C12orf42: variants seen among roughly 807,000 people sequenced by gnomAD.
C12orf42 encodes the protein chromosome 12 open reading frame 42.
Under a neutral mutation model 21.6 loss-of-function variants are expected in C12orf42, and 25 were observed. The observed-to-expected ratio is 1.16, with a 90% confidence interval of 0.84 to 1.62. The LOEUF is 1.62. Among genes scored for constraint, C12orf42 ranks in the 40% most tolerant of loss-of-function variants. C12orf42 has a pLI of 0.00. For synonymous variants in C12orf42, 174 were observed against 175.0 expected (o/e 0.99, Z 0.05); for missense variants, 483 against 459.3 (o/e 1.05, Z -0.47).
At chr12:103,399,018 C>T (rs2047762660) in intron 3 of C12orf42, among the ~76,000 whole-genome samples, 1 of 151,916 alleles carries the variant, frequency 6.6e-6, no homozygotes, top group East Asian at 1.9e-4. Flanking sequence ...CATATGCATA[C>T]TATCTCTTCA....
intron 4 of C12orf42, among the ~76,000 whole-genome samples, chr12:103,348,591 C>T (rs577736673): frequency 2.6e-4 from 40 of 152,148 alleles, no homozygotes; most frequent in African/African-American, 8.4e-4. Flanking sequence ...GGTACTTTTC[C>T]ATAGCAAAAT....
chr12:103,256,004 G>C (rs1483358133), intron 10 of C12orf42, among the ~76,000 whole-genome samples: 2 of 126,682 alleles, frequency 1.6e-5, no homozygotes, highest in African/African-American at 6.0e-5. Flanking sequence ...AGCGAGCCAA[G>C]ATCCCGCCAC....
intron 1 of C12orf42, among the ~76,000 whole-genome samples, chr12:103,489,150 TTGA>T (rs1219673715): frequency 6.6e-6 from 1 of 151,802 alleles, no homozygotes; most frequent in East Asian, 1.9e-4. Flanking sequence ...GTCCTTTTTG[TTGA>T]TGTTAATGCT....
At chr12:103,238,630 G>T (rs1335350604) in intron 10 of C12orf42, among the ~76,000 whole-genome samples, 2 of 152,202 alleles carry the variant, frequency 1.3e-5, no homozygotes, top group East Asian at 1.9e-4. Context: ...TTTGGAGCCA[G>T]CATGACTGCT....
chr12:103,050,962 TCAA>T, the C12orf42 span, among the ~76,000 whole-genome samples: 1 of 152,148 alleles, frequency 6.6e-6, no homozygotes, highest in African/African-American at 2.4e-5. Context: ...TATACGACAA[TCAA>T]CAATTCTGTG....
At position 103,370,935 on chromosome 12, in the gene C12orf42, T is replaced by C. The variant is rs148975165; in HGVS notation, c.148-1937A>G. ...TAAAAACCACTCATTAAACATGTAA[T>C]CAGAACCAACTTCCCATTGGTTTGA... On this transcript the variant is annotated intron_variant, in intron 3 of 5. Transcript: ENST00000548883. Among the ~76,000 whole-genome samples, 1,230 of 152,242 alleles carry C rather than the reference T, an allele frequency of 8.1e-3. 13 individuals are homozygous for C. Among genetic ancestry groups the C allele is most frequent in the African/African-American group, 0.027 (1,134 of 41,558 alleles).
At chr12:103,336,194 G>A (rs181454905) in intron 4 of C12orf42, among the ~76,000 whole-genome samples, 22 of 152,298 alleles carry the variant, frequency 1.4e-4, no homozygotes, top group Non-Finnish European at 2.1e-4. Context: ...TGAACATAGC[G>A]CCTAGTGGCA....
chr12:103,530,338 G>C, the C12orf42 span, among the ~76,000 whole-genome samples: 1 of 152,214 alleles, frequency 6.6e-6, no homozygotes, highest in Admixed American at 6.5e-5. Context: ...AAAGGCGGTG[G>C]CGTGTGTTGG....
the C12orf42 span, among the ~76,000 whole-genome samples, chr12:103,548,389 A>C: frequency 1.1e-3 from 170 of 152,340 alleles, 2 homozygotes; most frequent in African/African-American, 3.7e-3. Flanking sequence ...AATTGAATAT[A>C]ATTCAAACTA....
chr12:103,404,373 A>G (rs1054351440), intron 2 of C12orf42, among the ~76,000 whole-genome samples: 1 of 152,250 alleles, frequency 6.6e-6, no homozygotes, highest in Non-Finnish European at 1.5e-5. Context: ...GGTTGAAAGA[A>G]TAAAGTAGCT....
At chr12:103,395,527 T>C (rs1411273665) in intron 3 of C12orf42, among the ~76,000 whole-genome samples, 1 of 152,034 alleles carries the variant, frequency 6.6e-6, no homozygotes, top group East Asian at 1.9e-4. Flanking sequence ...AGTAGAGACT[T>C]GGTTTCACTG....
chr12:103,222,121 C>A, the C12orf42 span, among the ~76,000 whole-genome samples: 1 of 152,136 alleles, frequency 6.6e-6, no homozygotes, highest in Non-Finnish European at 1.5e-5. Context: ...GTTTTTCATG[C>A]GCGTCCCTGT....
At position 103,384,788 on chromosome 12, in the gene C12orf42, T is replaced by C. The variant is rs111755315; in HGVS notation, c.148-15790A>G. 6.2e-3 allele frequency among the ~76,000 whole-genome samples: 943 copies of C among 152,294 alleles called. 7 individuals carry two copies. The highest frequency in any genetic ancestry group is 0.01 in the Non-Finnish European group (693 of 68,028). ...AAAGATGTCTATTGACTGGATATAG[T>C]GAATCAAGAATTCAAACAATTAGAG... On this transcript the variant is annotated intron_variant, in intron 3 of 5. Coordinates refer to ENST00000548883, the MANE Select transcript of C12orf42 (RefSeq NM_198521.5).
rs186987098 is a variant in C12orf42, at chr12:103,442,127, G to A, written c.78+36222C>T. On this transcript the variant is annotated intron_variant, in intron 2 of 5. Transcript: ENST00000548883. ...CCACTGCACTCCAGCCTGAGTGGCAGAGAAAGGCTCCATCTCAAAAATAAA... is the reference window on the plus strand; with the variant it reads ...CCACTGCACTCCAGCCTGAGTGGCAAAGAAAGGCTCCATCTCAAAAATAAA... Among the ~76,000 whole-genome samples, 12 of 152,260 alleles carry A rather than the reference G, an allele frequency of 7.9e-5. No homozygotes were observed. In the East Asian group the frequency reaches 2.3e-3, roughly 29 times the overall value.
intron 1 of C12orf42, among the ~76,000 whole-genome samples, chr12:103,486,235 T>G (rs552314048): frequency 2.0e-5 from 3 of 152,344 alleles, no homozygotes; most frequent in South Asian, 4.1e-4. Flanking sequence ...GATAATCATG[T>G]GTTTTTTGTC....
intron 2 of C12orf42, among the ~76,000 whole-genome samples, chr12:103,455,024 A>G (rs1469188888): frequency 1.3e-5 from 2 of 152,202 alleles, no homozygotes; most frequent in Non-Finnish European, 2.9e-5. Context: ...GAGTTAACAC[A>G]TGTAAAGCAG....
the C12orf42 span, among the ~76,000 whole-genome samples, chr12:103,098,166 G>T: frequency 6.6e-6 from 1 of 152,180 alleles, no homozygotes; most frequent in African/African-American, 2.4e-5. Flanking sequence ...TTATGGTTCC[G>T]CCATGGCCTC....
the C12orf42 span, among the ~76,000 whole-genome samples, chr12:103,529,847 C>G: frequency 1.9e-3 from 285 of 152,246 alleles, 1 homozygote; most frequent in African/African-American, 6.6e-3. Flanking sequence ...TCCCTCACCC[C>G]CAAAGAGATT....
In C12orf42 at chr12:103,364,490, CA is replaced by C. The variant is rs377556193; in HGVS notation, c.259+4396del. On this transcript the variant is annotated intron_variant, in intron 4 of 5. Coordinates refer to ENST00000548883, the MANE Select transcript of C12orf42 (RefSeq NM_198521.5). Reference sequence around the variant, plus strand: ...CCAGCAGAAAAAAGGAAATAAAAATCAAAACAGAACTAAATGAAATTGAAAC... The same window carrying C: ...CCAGCAGAAAAAAGGAAATAAAAATCAAACAGAACTAAATGAAATTGAAAC... 3.3e-3 allele frequency among the ~76,000 whole-genome samples: 497 copies of C among 151,500 alleles called. 3 individuals are homozygous for C. Among genetic ancestry groups the C allele is most frequent in the African/African-American group, 0.011 (471 of 41,390 alleles).
Sources: allele counts gnomAD v4.1 joint callset (sites outside exome capture counted in the v4.1 genomes callset), GRCh38; gene constraint gnomAD v4.1.1; transcripts MANE v1.5; gene names NCBI Gene and HGNC (gene_info 2026-07-23, HGNC 2026-07-21).